The following PRKAA2 variants were observed in gnomAD, a reference collection of about 807,000 sequenced individuals.
PRKAA2 encodes the protein 5'-AMP-activated protein kinase catalytic subunit alpha-2.
In PRKAA2, 40 loss-of-function variants were observed where a neutral mutation model predicts 56.3. The observed-to-expected ratio is 0.71, with a 90% confidence interval of 0.55 to 0.92. The LOEUF is 0.92. Ranked by LOEUF, PRKAA2 falls within the 40% of genes least tolerant of loss-of-function variation. PRKAA2 has a pLI of 0.00. For missense variants in PRKAA2, 542 were observed against 686.9 expected (o/e 0.79, Z 2.36); for synonymous variants, 214 against 234.2 (o/e 0.91, Z 0.79).
chr1:56,698,782 A>G lies in PRKAA2; in HGVS notation c.788+2623A>G, dbSNP rs573196373. 6.6e-5 allele frequency among the ~76,000 whole-genome samples: 10 copies of G among 152,252 alleles called. No individual in the cohort carries two copies. The East Asian group carries it at 1.7e-3, about 26-fold the overall frequency. On this transcript the variant is annotated intron_variant, in intron 6 of 8. Coordinates refer to ENST00000371244, the MANE Select transcript of PRKAA2 (RefSeq NM_006252.4). ...AATATATCTTCATATTTATTTGCTT[A>G]TTTAACCATTTTCGCTTTTATTCAT... is the stretch of plus-strand genomic sequence containing the variant.
At position 56,649,978 on chromosome 1, in the gene PRKAA2, C is replaced by T. The variant is rs186699609; in HGVS notation, c.94+4497C>T. 4.9e-4 allele frequency among the ~76,000 whole-genome samples: 75 copies of T among 152,120 alleles called. 1 individual carries two copies. The East Asian group carries it at 0.014, about 28-fold the overall frequency. ...GCTGTGATGGTGCGCGCCTGTAATC[C>T]CAGCTACTTGGGAAGCTGAGGCAGG... is the stretch of plus-strand genomic sequence containing the variant. On this transcript the variant is annotated intron_variant, in intron 1 of 8. Transcript: ENST00000371244.
chr1:56,673,731 C>T (rs763053846), intron 1 of PRKAA2, among the ~76,000 whole-genome samples: 4 of 152,196 alleles, frequency 2.6e-5, no homozygotes, highest in Non-Finnish European at 5.9e-5. Flanking sequence ...GAGCACTGGT[C>T]ATCTTGTCCA....
chr1:56,645,600 C>T (rs1646633778), intron 1 of PRKAA2, 119 bp downstream of exon 1: 5 of 884,010 alleles, frequency 5.7e-6, no homozygotes, highest in Non-Finnish European at 7.4e-6. Context: ...GGAGCGGTCC[C>T]GGGTCGCGCG....
chr1:56,702,901 A>G lies in PRKAA2; in HGVS notation c.789-1070A>G, dbSNP rs112182183. Among the ~76,000 whole-genome samples the G allele has an allele frequency of 6.0e-3, 921 of 152,350 alleles. 9 individuals carry two copies. The highest frequency in any genetic ancestry group is 0.021 in the African/African-American group (882 of 41,572). On this transcript the variant is annotated intron_variant, in intron 6 of 8. Coordinates refer to ENST00000371244, the MANE Select transcript of PRKAA2 (RefSeq NM_006252.4). The stretch of plus-strand genomic sequence containing the variant: ...ATATTTGTTTAATCTCTGTGCAGCT[A>G]AAATATAATCTTTGGGAGGAATGGT...
At chr1:56,701,858 C>T in intron 6 of PRKAA2, among the ~76,000 whole-genome samples, 1 of 151,724 alleles carries the variant, frequency 6.6e-6, no homozygotes, top group Non-Finnish European at 1.5e-5. Context: ...TGAGCTACTG[C>T]ACTCCAGCCT....
chr1:56,706,955 A>G (rs1485346329), intron 8 of PRKAA2, among the ~76,000 whole-genome samples: 3 of 152,256 alleles, frequency 2.0e-5, no homozygotes, highest in East Asian at 1.9e-4. Context: ...TCGAAATTAC[A>G]TGTTGTTGTT....
At position 56,713,863 on chromosome 1, in the gene PRKAA2, A is replaced by C. The variant is rs1434664965; in HGVS notation, c.*6150A>C. On this transcript the variant is annotated 3_prime_UTR_variant, in exon 9 of 9. Coordinates refer to ENST00000371244, the MANE Select transcript of PRKAA2 (RefSeq NM_006252.4). ...TCCACTGTTCTAAAAAAAAAAAAAA[A>C]AAAAAACACTAAATTGTGCCTTCTC... 1.3e-5 allele frequency: 2 copies of C among 151,552 alleles called. No homozygotes were observed. The highest frequency in any genetic ancestry group is 4.8e-5 in the African/African-American group (2 of 41,310). 9.4% of individuals were successfully genotyped at this position (151,552 alleles called of 1,614,324 possible).
At chr1:56,684,150 C>T (rs750957320) in intron 2 of PRKAA2, among the ~76,000 whole-genome samples, 5 of 152,036 alleles carry the variant, frequency 3.3e-5, no homozygotes, top group East Asian at 1.9e-4. Context: ...TTAAGGATGA[C>T]GCCAAGGCAT....
intron 1 of PRKAA2, among the ~76,000 whole-genome samples, chr1:56,669,991 C>T (rs1644063614): frequency 6.6e-6 from 1 of 152,110 alleles, no homozygotes; most frequent in South Asian, 2.1e-4. Flanking sequence ...GTGGATTTTT[C>T]CCCTCTTAAA....
chr1:56,670,933 AC>A (rs1421049911), intron 1 of PRKAA2, among the ~76,000 whole-genome samples: 4 of 151,856 alleles, frequency 2.6e-5, no homozygotes, highest in Non-Finnish European at 5.9e-5. Flanking sequence ...CGGTCTCCCC[AC>A]CCCCCAAAAC....
chr1:56,700,848 A>T (rs1644289069), intron 6 of PRKAA2, among the ~76,000 whole-genome samples: 1 of 152,044 alleles, frequency 6.6e-6, no homozygotes, highest in South Asian at 2.1e-4. Flanking sequence ...AGTGATTGTT[A>T]AGCTCCTGTT....
In PRKAA2 at chr1:56,708,089, T is replaced by C; in HGVS notation, c.*376T>C. The C allele has an allele frequency of 5.1e-6, 1 of 197,226 alleles. No individual in the cohort carries two copies. The highest frequency in any genetic ancestry group is 1.0e-5 in the Non-Finnish European group (1 of 95,490). The allele number at this position is 197,226 out of a possible 1,614,324, so 12.2% of individuals were successfully genotyped here. A position where few individuals can be genotyped will look rare whatever the true frequency, so the allele number is the denominator to read the frequency against. On this transcript the variant is annotated 3_prime_UTR_variant, in exon 9 of 9. Transcript: ENST00000371244. ...TGCTGTTTGGTGTAGGTAAATCTAG[T>C]TTACTTCCTAAATTTCAGTAGGCTT...
chr1:56,701,623 G>A (rs771929044), intron 6 of PRKAA2, among the ~76,000 whole-genome samples: 14 of 152,108 alleles, frequency 9.2e-5, no homozygotes, highest in South Asian at 4.1e-4. Context: ...GTCGCCGGGC[G>A]CGGTGGCTCA....
chr1:56,660,051 T>A (rs780225115), intron 1 of PRKAA2, among the ~76,000 whole-genome samples: 2 of 152,258 alleles, frequency 1.3e-5, no homozygotes, highest in Non-Finnish European at 2.9e-5. Context: ...CTTGTCACTC[T>A]GCTTTCTTCA....
intron 2 of PRKAA2, among the ~76,000 whole-genome samples, chr1:56,680,609 T>A (rs867510070): frequency 7.4e-4 from 112 of 152,278 alleles, no homozygotes; most frequent in Middle Eastern, 6.8e-3. Flanking sequence ...ACATGCGGTG[T>A]TTGGTTTTCT....
At chr1:56,658,968 A>AT (rs758544267) in intron 1 of PRKAA2, among the ~76,000 whole-genome samples, 3,002 of 135,978 alleles carry the variant, frequency 0.022, 94 homozygotes, top group African/African-American at 0.069. Context: ...CTAATTTTTA[A>AT]TTTTTTTTTT....
chr1:56,674,975 G>GTA (rs1196753648), intron 2 of PRKAA2, among the ~76,000 whole-genome samples: 2 of 151,974 alleles, frequency 1.3e-5, no homozygotes, highest in Non-Finnish European at 2.9e-5. Flanking sequence ...ATTTCACATA[G>GTA]TATATTACTT....
chr1:56,696,198 A>G (rs973374999), intron 6 of PRKAA2, 39 bp downstream of exon 6: 8 of 1,531,600 alleles, frequency 5.2e-6, no homozygotes, highest in African/African-American at 4.1e-5. Context: ...ATATTTTCTC[A>G]TAGGAATAAT....
At chr1:56,688,431 A>G (rs1644206451) in intron 2 of PRKAA2, among the ~76,000 whole-genome samples, 1 of 152,234 alleles carries the variant, frequency 6.6e-6, no homozygotes, top group Non-Finnish European at 1.5e-5. Context: ...TAATAAAAAC[A>G]TATAATTACA....
Sources: gnomAD v4.1 joint callset for allele counts (sites outside exome capture counted in the v4.1 genomes callset) on GRCh38, gnomAD v4.1.1 for gene constraint, MANE v1.5 for transcripts, NCBI Gene and HGNC (gene_info 2026-07-23, HGNC 2026-07-21) for gene names.